Variants in SPATA1 observed in about 807,000 individuals in gnomAD.
SPATA1 encodes the protein spermatogenesis associated 1, also known as spermatogenesis-associated protein 1.
A neutral mutation model predicts 59.6 loss-of-function variants in SPATA1; 57 were observed. The ratio of observed to expected loss-of-function variants is 0.96; its 90% CI spans 0.77 to 1.19. SPATA1 has a LOEUF of 1.19. Ranked by LOEUF, SPATA1 falls within the 50% of genes most tolerant of loss-of-function variation. SPATA1 has a pLI of 0.00. For synonymous variants in SPATA1, 147 were observed against 163.9 expected (o/e 0.90, Z 0.79); for missense variants, 448 against 480.7 (o/e 0.93, Z 0.64).
chr1:84,518,290 G>A (rs1020738357), intron 2 of SPATA1, among the ~76,000 whole-genome samples: 2 of 151,884 alleles, frequency 1.3e-5, no homozygotes, highest in Non-Finnish European at 2.9e-5. Flanking sequence ...AGGACAATTG[G>A]GAAAATTTAA....
intron 10 of SPATA1, 92 bp from the exon 11 acceptor site, chr1:84,548,694 A>AGGATCCTTTCCAGGATGAAAAGTT (rs1360510988): frequency 6.8e-5 from 90 of 1,324,690 alleles, no homozygotes; most frequent in Non-Finnish European, 8.2e-5. Context: ...CATTAGCTCT[A>AGGATCCTTTCCAGGATGAAAAGTT]GGATCCTTTC....
At chr1:84,536,194 G>C (rs899672469) in intron 8 of SPATA1, among the ~76,000 whole-genome samples, 1 of 152,198 alleles carries the variant, frequency 6.6e-6, no homozygotes, top group African/African-American at 2.4e-5. Flanking sequence ...AGGAATGAAA[G>C]AATATAACTT....
chr1:84,558,262 T>C (rs1174079695), downstream of SPATA1, among the ~76,000 whole-genome samples: 1 of 151,918 alleles, frequency 6.6e-6, no homozygotes, highest in African/African-American at 2.4e-5. Context: ...TTCTACACCA[T>C]AAATACAGAT....
At chr1:84,550,664 A>G in intron 12 of SPATA1, 134 bp downstream of exon 12, 1 of 1,251,116 alleles carries the variant, frequency 8.0e-7, no homozygotes, top group Non-Finnish European at 1.0e-6. Context: ...CCTTAACAGT[A>G]AAGAGCATAG....
At chr1:84,557,553 AG>A (rs1440055873), downstream of SPATA1, among the ~76,000 whole-genome samples, 10,058 of 119,770 alleles carry the variant, frequency 0.084, 795 homozygotes, top group African/African-American at 0.26. Flanking sequence ...AAAAAAAAAA[AG>A]AAAAAAAAAA....
At chr1:84,557,878 G>C (rs1161915264), downstream of SPATA1, among the ~76,000 whole-genome samples, 1 of 150,946 alleles carries the variant, frequency 6.6e-6, no homozygotes, top group Non-Finnish European at 1.5e-5. Flanking sequence ...AAAAGAGGAA[G>C]GAAACAGTTA....
chr1:84,549,027 T>C (rs1475993057), intron 11 of SPATA1, 63 bp downstream of exon 11: 1 of 1,384,910 alleles, frequency 7.2e-7, no homozygotes, highest in African/African-American at 1.5e-5. Context: ...GCTTTATAAG[T>C]GCTAGTAGTA....
intron 4 of SPATA1, among the ~76,000 whole-genome samples, chr1:84,560,532 T>C (rs1180537768): frequency 6.6e-6 from 1 of 152,198 alleles, no homozygotes; most frequent in African/African-American, 2.4e-5. Context: ...ACCTCCCATG[T>C]CGGGTAAAAT....
intron 1 of SPATA1, among the ~76,000 whole-genome samples, chr1:84,515,636 A>G (rs1682763978): frequency 6.6e-6 from 1 of 152,126 alleles, no homozygotes; most frequent in Admixed American, 6.5e-5. Context: ...TATACATTAT[A>G]TATTTTTAAT....
chr1:84,566,782 G>A (rs1428550799), downstream of SPATA1, among the ~76,000 whole-genome samples: 4 of 152,090 alleles, frequency 2.6e-5, no homozygotes, highest in Non-Finnish European at 4.4e-5. Flanking sequence ...ACAGGCATGC[G>A]CCACCACGCC....
At chr1:84,510,891 T>C (rs1194308196) in intron 1 of SPATA1, among the ~76,000 whole-genome samples, 1 of 152,202 alleles carries the variant, frequency 6.6e-6, no homozygotes, top group Non-Finnish European at 1.5e-5. Flanking sequence ...TGTCATTATG[T>C]TAAGTGAAAA....
chr1:84,560,109 GA>G (rs1684562081), intron 4 of SPATA1, among the ~76,000 whole-genome samples: 1 of 125,806 alleles, frequency 7.9e-6, no homozygotes, highest in South Asian at 2.7e-4. Flanking sequence ...AAGAAAGAAA[GA>G]AAGAAAGAAA....
At chr1:84,519,587 AG>A (rs1352552894) in intron 2 of SPATA1, among the ~76,000 whole-genome samples, 1 of 152,110 alleles carries the variant, frequency 6.6e-6, no homozygotes, top group Non-Finnish European at 1.5e-5. Context: ...TAGTATAGCT[AG>A]GGGTTAATCT....
At chr1:84,513,543 T>G (rs1682666184) in intron 1 of SPATA1, among the ~76,000 whole-genome samples, 1 of 152,198 alleles carries the variant, frequency 6.6e-6, no homozygotes, top group Non-Finnish European at 1.5e-5. Flanking sequence ...AGAGCAGCAG[T>G]GGAGGCACAT....
At chr1:84,527,313 T>TA (rs1489629864) in intron 6 of SPATA1, among the ~76,000 whole-genome samples, 1 of 152,172 alleles carries the variant, frequency 6.6e-6, no homozygotes, top group East Asian at 1.9e-4. Context: ...TATTGATTCT[T>TA]AGACTGTAGT....
chr1:84,539,906 A>G lies in SPATA1; in HGVS notation c.718-4296A>G, dbSNP rs184829558. On this transcript the variant is annotated intron_variant, in intron 8 of 12. Coordinates refer to ENST00000490879, the Ensembl canonical transcript of SPATA1. ...TGTGGTTTCTGCTTTATGTGTTTCT[A>G]TATGTTATTTGGCACAAAGTTGTTC... Among the ~76,000 whole-genome samples, 100 of 152,094 alleles carry G rather than the reference A, an allele frequency of 6.6e-4. 1 individual carries two copies. Among genetic ancestry groups the G allele is most frequent in the Admixed American group, 5.8e-3 (89 of 15,276 alleles).
At chr1:84,543,814 A>G (rs1683990398) in intron 8 of SPATA1, among the ~76,000 whole-genome samples, 1 of 152,198 alleles carries the variant, frequency 6.6e-6, no homozygotes, top group Non-Finnish European at 1.5e-5. Context: ...AAATTTTGAC[A>G]TGTGACAGAA....
rs1294726091 is a variant in SPATA1, at chr1:84,532,050, T to C, written c.545-810T>C. On this transcript the variant is annotated intron_variant, in intron 6 of 12. Coordinates refer to ENST00000490879, the Ensembl canonical transcript of SPATA1. The stretch of plus-strand genomic sequence containing the variant: ...AGATGGATTGTTTAGTTTTCCTATA[T>C]TGAGAAATTTTGTTAAAATGAAGGG... Among the ~76,000 whole-genome samples the C allele has an allele frequency of 2.6e-5, 4 of 152,326 alleles. No homozygotes were observed. In the East Asian group the frequency reaches 5.8e-4, roughly 22 times the overall value.
intron 1 of SPATA1, among the ~76,000 whole-genome samples, chr1:84,515,456 G>A (rs1414827112): frequency 6.6e-6 from 1 of 151,416 alleles, no homozygotes; most frequent in Admixed American, 6.6e-5. Flanking sequence ...TTTAAGTTTT[G>A]TTGGATTTAA....
Sources: allele counts gnomAD v4.1 joint callset (sites outside exome capture counted in the v4.1 genomes callset), GRCh38; gene constraint gnomAD v4.1.1; transcripts MANE v1.5; gene names NCBI Gene and HGNC (gene_info 2026-07-23, HGNC 2026-07-21).